KLHL13: variants seen among roughly 807,000 people sequenced by gnomAD.
The protein encoded by KLHL13 is kelch like family member 13, also known as kelch-like protein 13.
KLHL13 carries 10 observed loss-of-function variants against 37.1 expected under a neutral mutation model. The ratio of observed to expected loss-of-function variants is 0.27; its 90% CI spans 0.17 to 0.46. KLHL13 has a LOEUF of 0.46. Ranked by LOEUF, KLHL13 falls within the 20% of genes least tolerant of loss-of-function variation. KLHL13 has a pLI of 1.00. For missense variants in KLHL13, 360 were observed against 509.3 expected, an observed-to-expected ratio of 0.71 and a Z score of 2.82; for synonymous variants, 163 against 181.2, an observed-to-expected ratio of 0.90 and a Z score of 0.81.
Position 117,979,134 on chromosome X carries a change from G to A in KLHL13, c.-55-33559C>T, listed in dbSNP as rs188112221. The stretch of plus-strand genomic sequence containing the variant: ...TTTAATAGAGATGGGTTTTTACCAC[G>A]TTGGCCAGGCTGGTCTTGAACTCCT... On this transcript the variant is annotated intron_variant, in intron 1 of 6. Transcript: ENST00000371882. 1.8e-4 allele frequency among the ~76,000 whole-genome samples: 20 copies of A among 110,996 alleles called. 1 individual carries two copies. Among genetic ancestry groups the A allele is most frequent in the Admixed American group, 1.7e-3 (18 of 10,454 alleles).
At chrX:118,030,632 G>C (rs185484647) in intron 1 of KLHL13, among the ~76,000 whole-genome samples, 1 of 112,074 alleles carries the variant, frequency 8.9e-6, no homozygotes, top group African/African-American at 3.2e-5. Flanking sequence ...AGCCATGGGG[G>C]CACCACCCTC....
At chrX:118,025,924 G>A (rs1046550598) in intron 1 of KLHL13, among the ~76,000 whole-genome samples, 17 of 111,801 alleles carry the variant, frequency 1.5e-4, no homozygotes, top group African/African-American at 4.9e-4. Context: ...GTTTATATTT[G>A]TGAGTAGAAG....
chrX:117,965,386 CTTT>C (rs1040939664), intron 1 of KLHL13, among the ~76,000 whole-genome samples: 8 of 111,930 alleles, frequency 7.1e-5, no homozygotes, highest in Non-Finnish European at 1.5e-4. Context: ...TAAATGTCTT[CTTT>C]TGAGAAGTGT....
At chrX:118,006,191 G>A (rs2053979623) in intron 1 of KLHL13, among the ~76,000 whole-genome samples, 1 of 111,647 alleles carries the variant, frequency 9.0e-6, no homozygotes. Context: ...AAGAGGGAAA[G>A]TATTTTACAT....
chrX:117,916,070 A>G lies in KLHL13; in HGVS notation c.570+3451T>C, dbSNP rs151032474. ...CTACTCGGGAGGCTGAGGCAGGATA[A>G]TCGCTTGAACCTGGGAGGCGGAGGT... On this transcript the variant is annotated intron_variant, in intron 4 of 6. Transcript: ENST00000262820. Among the ~76,000 whole-genome samples, 1,038 of 111,460 alleles carry G rather than the reference A, an allele frequency of 9.3e-3. 17 individuals are homozygous for G. Among genetic ancestry groups the G allele is most frequent in the African/African-American group, 0.031 (958 of 30,680 alleles).
rs34453398 is a variant in KLHL13, at chrX:117,958,503, T to C, written c.99-12928A>G. 7.0e-3 allele frequency among the ~76,000 whole-genome samples: 769 copies of C among 110,350 alleles called. 12 individuals are homozygous for C. The highest frequency in any genetic ancestry group is 0.024 in the African/African-American group (728 of 30,420). On this transcript the variant is annotated intron_variant, in intron 1 of 6. Coordinates refer to ENST00000262820, the Ensembl canonical transcript of KLHL13. ...TCAATTACTGCATATATCAGATGAA[T>C]AAACTTAACACTTTCATGTGAAGTG...
At chrX:118,116,771 G>A (rs2055475447) in exon 1 of KLHL13, 1 of 107,159 alleles carries the variant, frequency 9.3e-6, no homozygotes, top group Non-Finnish European at 1.9e-5. Context: ...AGCTACTGCG[G>A]CCGCAGCGGC....
chrX:118,096,175 C>T (rs1261184371), intron 1 of KLHL13, among the ~76,000 whole-genome samples: 6 of 111,393 alleles, frequency 5.4e-5, no homozygotes, highest in African/African-American at 2.0e-4. Context: ...AATTGATAGA[C>T]TGCTAGCAAG....
At chrX:117,934,220 C>A (rs1402341594) in intron 2 of KLHL13, among the ~76,000 whole-genome samples, 1 of 110,630 alleles carries the variant, frequency 9.0e-6, no homozygotes, top group Admixed American at 9.7e-5. Flanking sequence ...TCATTAGAAG[C>A]CCAAACCTCA....
intron 1 of KLHL13, among the ~76,000 whole-genome samples, chrX:118,038,029 T>C (rs1228934617): frequency 8.9e-6 from 1 of 111,999 alleles, no homozygotes; most frequent in Non-Finnish European, 1.9e-5. Flanking sequence ...ATGTAGAGAA[T>C]AAGGAAAAAT....
chrX:117,981,801 T>C (rs1212036227), intron 1 of KLHL13, among the ~76,000 whole-genome samples: 1 of 111,470 alleles, frequency 9.0e-6, no homozygotes, highest in Non-Finnish European at 1.9e-5. Context: ...CCAAAAAGGG[T>C]GAAGAGGCAA....
chrX:118,038,587 C>A (rs1041174893), intron 1 of KLHL13, among the ~76,000 whole-genome samples: 11 of 111,334 alleles, frequency 9.9e-5, no homozygotes, highest in African/African-American at 3.6e-4. Context: ...CAGCCAACGA[C>A]CATGGAGGGA....
At chrX:118,051,166 C>G (rs924480216) in intron 1 of KLHL13, among the ~76,000 whole-genome samples, 8 of 109,646 alleles carry the variant, frequency 7.3e-5, no homozygotes, top group Middle Eastern at 4.7e-3. Context: ...AAAAATACCA[C>G]CTACCTGAGA....
intron 2 of KLHL13, among the ~76,000 whole-genome samples, chrX:117,942,989 C>T (rs748932228): frequency 2.7e-5 from 3 of 110,935 alleles, no homozygotes; most frequent in Non-Finnish European, 5.7e-5. Flanking sequence ...ATATTTAGTG[C>T]TTCCTTCAGG....
intron 2 of KLHL13, among the ~76,000 whole-genome samples, chrX:117,932,131 G>T (rs977878656): frequency 7.2e-5 from 8 of 110,389 alleles, no homozygotes; most frequent in Admixed American, 4.8e-4. Flanking sequence ...AACAAATCAG[G>T]GTAATTATTA....
intron 1 of KLHL13, among the ~76,000 whole-genome samples, chrX:118,030,976 C>A (rs769433178): frequency 4.5e-5 from 5 of 111,803 alleles, no homozygotes; most frequent in Non-Finnish European, 9.4e-5. Flanking sequence ...ATTTCTGAGT[C>A]TGGGATATTC....
At chrX:118,071,026 G>A (rs1374591731) in intron 1 of KLHL13, among the ~76,000 whole-genome samples, 1 of 109,670 alleles carries the variant, frequency 9.1e-6, no homozygotes, top group South Asian at 3.9e-4. Flanking sequence ...TTCTTCTTGC[G>A]ATAGTTTACT....
chrX:117,961,094 T>C, intron 1 of KLHL13, among the ~76,000 whole-genome samples: 1 of 111,843 alleles, frequency 8.9e-6, no homozygotes, highest in East Asian at 2.8e-4. Context: ...ATCGATGTAA[T>C]CAAAACAATT....
At chrX:118,060,111 T>C (rs2054725408) in intron 1 of KLHL13, among the ~76,000 whole-genome samples, 1 of 111,931 alleles carries the variant, frequency 8.9e-6, no homozygotes, top group South Asian at 3.7e-4. Flanking sequence ...TAACAGAGCA[T>C]ATAAATGCTA....
Sources: allele counts gnomAD v4.1 joint callset (sites outside exome capture counted in the v4.1 genomes callset), GRCh38; gene constraint gnomAD v4.1.1; transcripts MANE v1.5; gene names NCBI Gene and HGNC (gene_info 2026-07-23, HGNC 2026-07-21).